The following GRIK4 variants were observed in gnomAD, a reference collection of about 807,000 sequenced individuals.
GRIK4 encodes the protein glutamate receptor ionotropic, kainate 4.
In GRIK4, 40 loss-of-function variants were observed where a neutral mutation model predicts 104.9. The observed-to-expected ratio is 0.38, with a 90% CI of 0.30 to 0.50. GRIK4 has a LOEUF of 0.50. GRIK4 is among the 20% of genes least tolerant of loss of function. The pLI is 0.93. For missense variants in GRIK4, 1,047 were observed against 1,308.1 expected (o/e 0.80, Z 3.08); for synonymous variants, 485 against 524.9 (o/e 0.92, Z 1.04).
At chr11:120,598,218 T>C (rs1380562451) in intron 1 of GRIK4, among the ~76,000 whole-genome samples, 1 of 152,222 alleles carries the variant, frequency 6.6e-6, no homozygotes, top group African/African-American at 2.4e-5. Context: ...TTGCTGTGCA[T>C]CCGACTTTTT....
chr11:120,663,357 G>A (rs978358775), intron 3 of GRIK4, among the ~76,000 whole-genome samples: 3 of 152,224 alleles, frequency 2.0e-5, no homozygotes, highest in African/African-American at 7.2e-5. Context: ...CACCTGACAA[G>A]TAGGGGCCTG....
chr11:120,585,799 C>T (rs1324852912), intron 1 of GRIK4, among the ~76,000 whole-genome samples: 3 of 150,616 alleles, frequency 2.0e-5, no homozygotes, highest in South Asian at 2.1e-4. Context: ...CCTCTAGATA[C>T]GTTTTTGAGA....
intron 6 of GRIK4, among the ~76,000 whole-genome samples, chr11:120,820,480 C>A (rs1053057681): frequency 7.9e-5 from 12 of 152,194 alleles, no homozygotes; most frequent in African/African-American, 2.9e-4. Flanking sequence ...TTTTCTATGA[C>A]TCTCAGTCAA....
intron 10 of GRIK4, among the ~76,000 whole-genome samples, chr11:120,874,799 C>T (rs1243622906): frequency 6.6e-6 from 1 of 152,118 alleles, no homozygotes; most frequent in East Asian, 1.9e-4. Context: ...TGAGTGCCTG[C>T]CCGGAGAGGA....
chr11:120,633,091 G>T (rs1181240568), intron 1 of GRIK4, among the ~76,000 whole-genome samples: 2 of 152,068 alleles, frequency 1.3e-5, no homozygotes, highest in South Asian at 2.1e-4. Flanking sequence ...GCCTTGGGTG[G>T]CAGCTGCCCA....
At chr11:120,646,435 G>C (rs1350684266) in intron 1 of GRIK4, among the ~76,000 whole-genome samples, 3 of 152,188 alleles carry the variant, frequency 2.0e-5, no homozygotes, top group Admixed American at 1.3e-4. Context: ...CCACTCCCTT[G>C]TACTGCCTCC....
intron 1 of GRIK4, among the ~76,000 whole-genome samples, chr11:120,591,035 C>T (rs1336168747): frequency 6.6e-6 from 1 of 152,134 alleles, no homozygotes; most frequent in Non-Finnish European, 1.5e-5. Context: ...CACAGGAGAT[C>T]TGGCTGCTTC....
intron 13 of GRIK4, among the ~76,000 whole-genome samples, chr11:120,929,804 G>T (rs1943441630): frequency 6.6e-6 from 1 of 151,192 alleles, no homozygotes; most frequent in Non-Finnish European, 1.5e-5. Flanking sequence ...AGGGCAAGGG[G>T]AGAAGGGCGC....
In GRIK4 at chr11:120,659,459, C is replaced by T. The variant is rs147127976; in HGVS notation, c.-50-810C>T. ...CAGACCCTGAGCATGGTGGCTTCTC[C>T]GATGTTACCTTGATTCTTCTTTAGT... On this transcript the variant is annotated intron_variant, in intron 2 of 20. Transcript: ENST00000527524. Among the ~76,000 whole-genome samples, 154 of 152,292 alleles carry T rather than the reference C, an allele frequency of 1.0e-3. 2 individuals are homozygous for T. Among genetic ancestry groups the T allele is most frequent in the African/African-American group, 3.5e-3 (145 of 41,564 alleles).
At chr11:120,894,981 G>A (rs1292686230) in intron 11 of GRIK4, among the ~76,000 whole-genome samples, 2 of 110,882 alleles carry the variant, frequency 1.8e-5, no homozygotes, top group Non-Finnish European at 3.6e-5. Context: ...TTTCTTGGGG[G>A]CTAATGGGAG....
At chr11:120,803,473 T>C (rs1952660384) in intron 4 of GRIK4, among the ~76,000 whole-genome samples, 1 of 152,256 alleles carries the variant, frequency 6.6e-6, no homozygotes, top group South Asian at 2.1e-4. Flanking sequence ...GGTCTTGCTC[T>C]GTTGCCCAGG....
chr11:120,803,598 C>T (rs6589842), intron 4 of GRIK4, among the ~76,000 whole-genome samples: 19,102 of 152,010 alleles, frequency 0.13, 3,837 homozygotes, highest in African/African-American at 0.42. Flanking sequence ...CCACCATGCC[C>T]GGCTAATTTT....
intron 1 of GRIK4, among the ~76,000 whole-genome samples, chr11:120,604,582 T>C (rs1477649485): frequency 1.3e-5 from 2 of 151,936 alleles, no homozygotes; most frequent in Non-Finnish European, 2.9e-5. Flanking sequence ...TGAAGACAAA[T>C]ACAGACAGGG....
intron 3 of GRIK4, among the ~76,000 whole-genome samples, chr11:120,766,940 C>T (rs1352669966): frequency 6.6e-6 from 1 of 152,026 alleles, no homozygotes; most frequent in East Asian, 1.9e-4. Flanking sequence ...TTTCTTTATC[C>T]ATTTGTCTGC....
intron 13 of GRIK4, among the ~76,000 whole-genome samples, chr11:120,928,525 G>A (rs897302107): frequency 6.6e-6 from 1 of 152,152 alleles, no homozygotes; most frequent in African/African-American, 2.4e-5. Flanking sequence ...TTGAGGATTC[G>A]TGGGCCAGTG....
At chr11:120,577,862 G>A (rs762156464) in intron 1 of GRIK4, among the ~76,000 whole-genome samples, 3 of 152,130 alleles carry the variant, frequency 2.0e-5, no homozygotes, top group Admixed American at 1.3e-4. Context: ...CAGCATCTAC[G>A]CAGCCACAAG....
intron 1 of GRIK4, among the ~76,000 whole-genome samples, chr11:120,563,910 C>T (rs1359054758): frequency 1.3e-5 from 2 of 152,228 alleles, no homozygotes; most frequent in Non-Finnish European, 2.9e-5. Context: ...CCGTCTGGGC[C>T]CCCTCTCCAG....
chr11:120,721,068 G>A (rs1378265053), intron 3 of GRIK4, among the ~76,000 whole-genome samples: 1 of 152,144 alleles, frequency 6.6e-6, no homozygotes, highest in Non-Finnish European at 1.5e-5. Context: ...ACACACTGGA[G>A]GGAAAGACAT....
chr11:120,635,817 C>G (rs950919048), intron 1 of GRIK4, among the ~76,000 whole-genome samples: 1 of 152,072 alleles, frequency 6.6e-6, no homozygotes, highest in African/African-American at 2.4e-5. Context: ...ATCAATCATC[C>G]CCAAAATGCA....
Sources: gnomAD v4.1 joint callset for allele counts (sites outside exome capture counted in the v4.1 genomes callset) on GRCh38, gnomAD v4.1.1 for gene constraint, MANE v1.5 for transcripts, NCBI Gene and HGNC (gene_info 2026-07-23, HGNC 2026-07-21) for gene names.